FILIP1: variants seen among roughly 807,000 people sequenced by gnomAD.
FILIP1 encodes the protein filamin-A-interacting protein 1.
FILIP1 carries 61 observed loss-of-function variants against 102.1 expected under a neutral mutation model. The observed-to-expected ratio is 0.60, with a 90% CI of 0.49 to 0.74. The LOEUF (loss-of-function observed/expected upper bound fraction) is 0.74. Among genes scored for constraint, FILIP1 ranks in the 30% least tolerant of loss-of-function variants. The pLI is 0.00. For synonymous variants in FILIP1, 491 were observed against 526.9 expected (o/e 0.93, Z 0.93); for missense variants, 1,314 against 1,441.2 (o/e 0.91, Z 1.43).
chr6:75,303,501 G>A (rs1582308072), downstream of FILIP1, among the ~76,000 whole-genome samples: 1 of 152,166 alleles, frequency 6.6e-6, no homozygotes, highest in South Asian at 2.1e-4. Context: ...AGGGAAAAGA[G>A]CACAGCCTAA....
intron 1 of FILIP1, among the ~76,000 whole-genome samples, chr6:75,450,467 C>T (rs562717172): frequency 3.8e-4 from 58 of 151,760 alleles, no homozygotes; most frequent in African/African-American, 1.3e-3. Flanking sequence ...GGCAATAAAG[C>T]AAGACCATAT....
intron 1 of FILIP1, chr6:75,453,953 A>G (rs1162918886): frequency 2.2e-6 from 1 of 456,622 alleles, no homozygotes; most frequent in East Asian, 6.9e-5. Context: ...ACACTGTATT[A>G]GTTTTCTATT....
In FILIP1 at chr6:75,315,214, A is replaced by G. The variant is rs1562446358; in HGVS notation, c.630-12T>C. 6.7e-7 allele frequency: 1 copy of G among 1,501,236 alleles called. No individual in the cohort carries two copies. Among genetic ancestry groups the G allele is most frequent in the Non-Finnish European group, 8.9e-7 (1 of 1,124,244 alleles). The allele number at this position is 1,501,236 out of a possible 1,614,324, so 93.0% of individuals were successfully genotyped here. The stretch of plus-strand genomic sequence containing the variant: ...GGAGCTTTTTTAACCTAGAAAATAA[A>G]ATATACCTATATGTTAAAAGAGTAA... On this transcript the variant is annotated splice_polypyrimidine_tract_variant and intron_variant, in intron 4 of 5. Transcript: ENST00000237172.
chr6:75,396,235 C>T (rs7765871), intron 2 of FILIP1, among the ~76,000 whole-genome samples: 6 of 151,168 alleles, frequency 4.0e-5, no homozygotes, highest in African/African-American at 7.3e-5. Context: ...AGTGGTGAGC[C>T]GGGGTCAGCC....
intron 1 of FILIP1, among the ~76,000 whole-genome samples, chr6:75,436,106 C>T (rs1222515741): frequency 6.6e-6 from 1 of 152,166 alleles, no homozygotes; most frequent in Admixed American, 6.5e-5. Flanking sequence ...GGTACAGTGG[C>T]TCATGCCTGT....
chr6:75,304,401 A>G (rs1772924320), downstream of FILIP1, among the ~76,000 whole-genome samples: 1 of 152,010 alleles, frequency 6.6e-6, no homozygotes, highest in Non-Finnish European at 1.5e-5. Flanking sequence ...TTGAGGCTGC[A>G]GTCTAGGTTT....
In FILIP1 at chr6:75,372,689, AAGAAAGAG is replaced by A. The variant is rs1274399294; in HGVS notation, c.277-9780_277-9773del. Among the ~76,000 whole-genome samples, 3 of 45,548 alleles carry A rather than the reference AAGAAAGAG, an allele frequency of 6.6e-5. No individual in the cohort carries two copies. In the East Asian group the frequency reaches 1.4e-3, roughly 21 times the overall value. 29.9% of individuals were successfully genotyped at this position (45,548 alleles called of 152,430 possible). A position where few individuals can be genotyped will look rare whatever the true frequency, so the allele number is the denominator to read the frequency against. On this transcript the variant is annotated intron_variant, in intron 2 of 5. Coordinates refer to ENST00000237172, the MANE Select transcript of FILIP1 (RefSeq NM_015687.5). ...AGAAAGAAAGAAAGAAAGAAAGAGA[AAGAAAGAG>A]AAAGAAAGAAAGAAAGGAAAGAAAG...
chr6:75,405,936 C>A (rs1776831264), intron 2 of FILIP1, among the ~76,000 whole-genome samples: 1 of 152,154 alleles, frequency 6.6e-6, no homozygotes, highest in South Asian at 2.1e-4. Flanking sequence ...AACATACTGA[C>A]ATATTGATTC....
chr6:75,309,949 A>G (rs1773121964), intron 5 of FILIP1, among the ~76,000 whole-genome samples: 1 of 152,248 alleles, frequency 6.6e-6, no homozygotes, highest in Admixed American at 6.5e-5. Flanking sequence ...TTTCTAAAAC[A>G]TAAACAGTAT....
chr6:75,319,381 G>A (rs1446698423), intron 4 of FILIP1: 2 of 624,822 alleles, frequency 3.2e-6, no homozygotes, highest in African/African-American at 1.8e-5. Flanking sequence ...GAGCTCTTGG[G>A]TGCCCTGGAG....
intron 2 of FILIP1, among the ~76,000 whole-genome samples, chr6:75,404,783 T>C (rs772238352): frequency 2.0e-5 from 3 of 151,400 alleles, no homozygotes; most frequent in Non-Finnish European, 4.4e-5. Context: ...AGAGGAAGGG[T>C]CTCCTTCCTT....
intron 4 of FILIP1, among the ~76,000 whole-genome samples, chr6:75,328,306 T>C (rs1436330694): frequency 6.6e-6 from 1 of 152,212 alleles, no homozygotes; most frequent in Non-Finnish European, 1.5e-5. Context: ...CATATTGAAA[T>C]ATTTGTGAAT....
intron 1 of FILIP1, among the ~76,000 whole-genome samples, chr6:75,450,674 G>A (rs533829719): frequency 6.7e-6 from 1 of 149,240 alleles, no homozygotes; most frequent in Admixed American, 6.7e-5. Context: ...AAAAAAGAGT[G>A]GCTGGGCACG....
intron 2 of FILIP1, among the ~76,000 whole-genome samples, chr6:75,411,937 T>C (rs1457134106): frequency 3.3e-5 from 5 of 152,218 alleles, no homozygotes; most frequent in Non-Finnish European, 7.3e-5. Context: ...GAGTAGTTTT[T>C]TCTAATTCTG....
At chr6:75,473,030 T>G (rs754664983) in intron 1 of FILIP1, among the ~76,000 whole-genome samples, 1 of 152,164 alleles carries the variant, frequency 6.6e-6, no homozygotes, top group Non-Finnish European at 1.5e-5. Flanking sequence ...AGGTCTATAC[T>G]CTAGAGGGAA....
At position 75,350,407 on chromosome 6, in the gene FILIP1, T is replaced by C. The variant is rs1486174109; in HGVS notation, c.629+3132A>G. ...AGGGTAATTTTTTTTAAAGTTTTTT[T>C]TTTTTTTTTTTTTACTTTTAAAACT... is the stretch of plus-strand genomic sequence containing the variant. On this transcript the variant is annotated intron_variant, in intron 4 of 5. Coordinates refer to ENST00000237172, the MANE Select transcript of FILIP1 (RefSeq NM_015687.5). 2.0e-5 allele frequency among the ~76,000 whole-genome samples: 3 copies of C among 151,578 alleles called. No individual in the cohort carries two copies. The East Asian group carries it at 5.8e-4, about 29-fold the overall frequency.
intron 4 of FILIP1, among the ~76,000 whole-genome samples, chr6:75,337,974 G>C (rs1032273064): frequency 4.6e-5 from 7 of 152,140 alleles, no homozygotes; most frequent in African/African-American, 1.7e-4. Context: ...ACAAAGACTA[G>C]GTAGTCTAGA....
chr6:75,460,439 G>A (rs1778986430), intron 1 of FILIP1, among the ~76,000 whole-genome samples: 1 of 151,834 alleles, frequency 6.6e-6, no homozygotes, highest in Non-Finnish European at 1.5e-5. Context: ...TATTATTTGG[G>A]GAAAAATCTA....
At chr6:75,322,789 G>C (rs969139249) in intron 4 of FILIP1, among the ~76,000 whole-genome samples, 5 of 152,126 alleles carry the variant, frequency 3.3e-5, no homozygotes, top group Admixed American at 2.6e-4. Context: ...AGCCTCCCGG[G>C]TTAAAATGAT....
Sources: allele counts gnomAD v4.1 joint callset (sites outside exome capture counted in the v4.1 genomes callset), GRCh38; gene constraint gnomAD v4.1.1; transcripts MANE v1.5; gene names NCBI Gene and HGNC (gene_info 2026-07-23, HGNC 2026-07-21).